Variants in DLGAP2 observed in about 807,000 individuals in gnomAD.
The protein encoded by DLGAP2 is DLG associated protein 2.
Under a neutral mutation model 100.3 loss-of-function variants are expected in DLGAP2, and 26 were observed. That is an observed-to-expected ratio of 0.26 (90% CI 0.19 to 0.36). The LOEUF is 0.36. DLGAP2 is among the 10% of genes least tolerant of loss of function. The pLI, the probability that DLGAP2 is intolerant of heterozygous loss-of-function variation, is 1.00. For missense variants in DLGAP2, 1,858 were observed against 1,453.2 expected, an observed-to-expected ratio of 1.28 and a Z score of -4.53; for synonymous variants, 886 against 630.1, an observed-to-expected ratio of 1.41 and a Z score of -6.08.
chr8:1,295,668 T>C (rs1800154758), intron 3 of DLGAP2, among the ~76,000 whole-genome samples: 1 of 152,130 alleles, frequency 6.6e-6, no homozygotes, highest in Non-Finnish European at 1.5e-5. Flanking sequence ...AAAAGCCAAT[T>C]TGGATCCTTT....
At chr8:965,910 C>T (rs148088287) in intron 2 of DLGAP2, among the ~76,000 whole-genome samples, 188 of 152,230 alleles carry the variant, frequency 1.2e-3, no homozygotes, top group African/African-American at 4.4e-3. Context: ...GGCTCCTGAG[C>T]CTGAGGAGGA....
intron 2 of DLGAP2, among the ~76,000 whole-genome samples, chr8:949,293 G>A (rs1270750007): frequency 1.3e-5 from 2 of 152,190 alleles, no homozygotes; most frequent in African/African-American, 4.8e-5. Context: ...GCACAGGTGC[G>A]GACCAGGCCG....
chr8:913,434 C>T (rs879694902), intron 2 of DLGAP2, among the ~76,000 whole-genome samples: 7 of 152,196 alleles, frequency 4.6e-5, no homozygotes, highest in South Asian at 2.1e-4. Flanking sequence ...CAACAGTTTG[C>T]GATAGCTGCT....
At chr8:1,543,265 G>A (rs1448687042) in intron 4 of DLGAP2, among the ~76,000 whole-genome samples, 6 of 152,052 alleles carry the variant, frequency 3.9e-5, no homozygotes, top group Non-Finnish European at 4.4e-5. Context: ...AGAAACCATT[G>A]CCTGGTTCAC....
At chr8:1,627,146 C>G (rs1463344831) in intron 7 of DLGAP2, among the ~76,000 whole-genome samples, 1 of 152,266 alleles carries the variant, frequency 6.6e-6, no homozygotes, top group Non-Finnish European at 1.5e-5. Flanking sequence ...AAAGGGTGGT[C>G]ATCCTGGCCT....
intron 3 of DLGAP2, among the ~76,000 whole-genome samples, chr8:1,286,076 C>A (rs1328728754): frequency 6.6e-6 from 1 of 152,196 alleles, no homozygotes; most frequent in Non-Finnish European, 1.5e-5. Flanking sequence ...TTGTAGTAAT[C>A]GCTGTGTGTC....
intron 11 of DLGAP2, 141 bp from the exon 12 acceptor site, chr8:1,678,073 T>C (rs1207989736): frequency 3.4e-6 from 3 of 894,546 alleles, no homozygotes; most frequent in East Asian, 2.6e-5. Flanking sequence ...CACCAGCATA[T>C]TTCACAAACA....
rs117022997 is a variant in DLGAP2, at chr8:1,261,984, C to T, written c.106+3101C>T. Among the ~76,000 whole-genome samples the T allele has an allele frequency of 4.0e-3, 612 of 152,284 alleles. 18 individuals carry two copies. The East Asian group carries it at 0.069, about 17-fold the overall frequency. ...CATCCAGAAGGTTAAGGCACCACCT[C>T]ATTTAGCATCTCGCTTTCTTGTCAG... On this transcript the variant is annotated intron_variant, in intron 3 of 14. Coordinates refer to ENST00000637795, the MANE Select transcript of DLGAP2 (RefSeq NM_001346810.2).
chr8:1,120,297 A>C (rs1273245063), intron 2 of DLGAP2, among the ~76,000 whole-genome samples: 1 of 151,988 alleles, frequency 6.6e-6, no homozygotes, highest in East Asian at 1.9e-4. Flanking sequence ...CTCAAATCAC[A>C]CTCATTAGGC....
chr8:1,570,330 G>A (rs1002356279), intron 6 of DLGAP2, among the ~76,000 whole-genome samples: 6 of 152,206 alleles, frequency 3.9e-5, no homozygotes, highest in Non-Finnish European at 5.9e-5. Context: ...CCATGATGTC[G>A]TCTCTGCATC....
At chr8:1,267,042 C>T (rs1799467280) in intron 3 of DLGAP2, among the ~76,000 whole-genome samples, 1 of 151,648 alleles carries the variant, frequency 6.6e-6, no homozygotes, top group Non-Finnish European at 1.5e-5. Flanking sequence ...TCCTGGCTAA[C>T]ATGGTGAAAT....
At chr8:1,458,268 A>G (rs144845691) in intron 3 of DLGAP2, among the ~76,000 whole-genome samples, 136 of 152,066 alleles carry the variant, frequency 8.9e-4, no homozygotes, top group Admixed American at 1.7e-3. Flanking sequence ...TGGAAACACA[A>G]AATTTTTGAG....
At chr8:983,648 A>T (rs572723892) in intron 2 of DLGAP2, among the ~76,000 whole-genome samples, 3 of 152,162 alleles carry the variant, frequency 2.0e-5, no homozygotes, top group African/African-American at 7.2e-5. Flanking sequence ...TTTTTTAATT[A>T]AAAGAAGTTT....
At chr8:1,203,774 A>C (rs1008735522) in intron 2 of DLGAP2, among the ~76,000 whole-genome samples, 2 of 152,148 alleles carry the variant, frequency 1.3e-5, no homozygotes, top group African/African-American at 4.8e-5. Context: ...CTGTTATTCT[A>C]ATGCAGCCAA....
At chr8:919,654 G>A (rs1798668031) in intron 2 of DLGAP2, among the ~76,000 whole-genome samples, 1 of 152,198 alleles carries the variant, frequency 6.6e-6, no homozygotes, top group African/African-American at 2.4e-5. Context: ...CCGTCCGGCC[G>A]AGAAGCAGCA....
intron 2 of DLGAP2, among the ~76,000 whole-genome samples, chr8:1,043,401 G>A (rs1446076829): frequency 1.3e-5 from 2 of 151,662 alleles, no homozygotes; most frequent in African/African-American, 4.8e-5. Flanking sequence ...CGTAGGTGGT[G>A]GATATAGGTG....
chr8:1,280,472 G>A (rs907338371), intron 3 of DLGAP2, among the ~76,000 whole-genome samples: 1 of 152,168 alleles, frequency 6.6e-6, no homozygotes, highest in Non-Finnish European at 1.5e-5. Flanking sequence ...TTTTAAACAG[G>A]AAGGTATTTA....
intron 1 of DLGAP2, among the ~76,000 whole-genome samples, chr8:809,775 A>G (rs866795541): frequency 6.6e-6 from 1 of 152,228 alleles, no homozygotes; most frequent in Middle Eastern, 3.4e-3. Flanking sequence ...AGGAAAGGGA[A>G]GTGCTGCCAT....
At chr8:1,494,461 G>C (rs79808584) in intron 3 of DLGAP2, among the ~76,000 whole-genome samples, 1 of 152,194 alleles carries the variant, frequency 6.6e-6, no homozygotes, top group Non-Finnish European at 1.5e-5. Context: ...GGCAGGTGCG[G>C]TGCCTCACGC....
Sources: allele counts gnomAD v4.1 joint callset (sites outside exome capture counted in the v4.1 genomes callset), GRCh38; gene constraint gnomAD v4.1.1; transcripts MANE v1.5; gene names NCBI Gene and HGNC (gene_info 2026-07-23, HGNC 2026-07-21).